NFIA: variants seen among roughly 807,000 people sequenced by gnomAD.
The protein encoded by NFIA is nuclear factor I A, also known as nuclear factor 1 A-type.
In NFIA, 8 loss-of-function variants were observed where a neutral mutation model predicts 62.8. That is an observed-to-expected ratio of 0.13 (90% CI 0.07 to 0.23). NFIA has a LOEUF of 0.23. Ranked by LOEUF, NFIA falls within the 10% of genes least tolerant of loss-of-function variation. NFIA has a pLI of 1.00. For missense variants in NFIA, 410 were observed against 642.1 expected, an observed-to-expected ratio of 0.64 and a Z score of 3.91; for synonymous variants, 235 against 238.1, an observed-to-expected ratio of 0.99 and a Z score of 0.12.
intron 1 of NFIA, among the ~76,000 whole-genome samples, chr1:61,085,900 C>G (rs1646211032): frequency 6.6e-6 from 1 of 152,072 alleles, no homozygotes; most frequent in African/African-American, 2.4e-5. Context: ...GGCAGGTAAA[C>G]AGAATCCTGT....
chr1:61,366,178 C>T (rs940153106), intron 6 of NFIA, among the ~76,000 whole-genome samples: 4 of 152,090 alleles, frequency 2.6e-5, no homozygotes, highest in Admixed American at 6.6e-5. Context: ...CCGAAGTTAA[C>T]GATTTATACC....
intron 9 of NFIA, among the ~76,000 whole-genome samples, chr1:61,412,974 A>C (rs1026843254): frequency 3.3e-5 from 5 of 152,212 alleles, no homozygotes; most frequent in Non-Finnish European, 7.3e-5. Context: ...GAAGATTGGC[A>C]TCATAATCTA....
intron 2 of NFIA, among the ~76,000 whole-genome samples, chr1:61,213,747 C>A (rs1409003123): frequency 3.9e-5 from 6 of 152,134 alleles, no homozygotes; most frequent in Non-Finnish European, 8.8e-5. Context: ...AACAACCTTG[C>A]GATCCGATGG....
chr1:61,293,846 C>A (rs1483246634), intron 3 of NFIA, among the ~76,000 whole-genome samples: 1 of 152,144 alleles, frequency 6.6e-6, no homozygotes, highest in Non-Finnish European at 1.5e-5. Context: ...ATGACATTTC[C>A]AAGCTGTCAA....
chr1:61,082,849 G>A, intron 1 of NFIA, 31 bp downstream of exon 1: 22 of 1,547,042 alleles, frequency 1.4e-5, no homozygotes, highest in Non-Finnish European at 1.9e-5. Flanking sequence ...GGAGGGCTTG[G>A]GGGCCGGGGC....
intron 2 of NFIA, among the ~76,000 whole-genome samples, chr1:61,176,058 A>G (rs1650318597): frequency 1.3e-5 from 2 of 152,340 alleles, no homozygotes; most frequent in Admixed American, 6.5e-5. Context: ...GATAGGAAGC[A>G]TGGCATGTGT....
At chr1:61,205,901 CTTTTTTTTTTTTT>C (rs199804398) in intron 2 of NFIA, among the ~76,000 whole-genome samples, 28,562 of 122,440 alleles carry the variant, frequency 0.23, 3,153 homozygotes, top group South Asian at 0.33. Context: ...TTTTGCAGCC[CTTTTTTTTTTTTT>C]TTTTTTTTTT....
intron 4 of NFIA, among the ~76,000 whole-genome samples, chr1:61,334,555 G>GTA (rs56259392): frequency 1.0e-5 from 1 of 97,486 alleles, no homozygotes; most frequent in African/African-American, 3.8e-5. Flanking sequence ...GTGTGTGTGT[G>GTA]TATATATATA....
chr1:61,435,169 A>T (rs1029499597), intron 10 of NFIA, among the ~76,000 whole-genome samples: 1 of 152,184 alleles, frequency 6.6e-6, no homozygotes, highest in Non-Finnish European at 1.5e-5. Context: ...CTCTGGGGGA[A>T]CAGGAGGAAA....
chr1:61,128,760 T>C (rs536791913), intron 2 of NFIA, among the ~76,000 whole-genome samples: 3 of 152,132 alleles, frequency 2.0e-5, no homozygotes, highest in African/African-American at 7.2e-5. Flanking sequence ...ATTTTACATA[T>C]GTTAAGAAGA....
chr1:61,367,889 G>A (rs1663675964), intron 6 of NFIA, among the ~76,000 whole-genome samples: 1 of 151,890 alleles, frequency 6.6e-6, no homozygotes, highest in Non-Finnish European at 1.5e-5. Context: ...CTAGTACCTG[G>A]CGACTTAGTA....
At chr1:61,131,309 T>C (rs1414115587) in intron 2 of NFIA, among the ~76,000 whole-genome samples, 2 of 152,154 alleles carry the variant, frequency 1.3e-5, no homozygotes, top group Non-Finnish European at 2.9e-5. Context: ...AAAGATCAAT[T>C]AATGTTATAA....
chr1:61,374,330 G>A (rs965502199), intron 6 of NFIA, among the ~76,000 whole-genome samples: 3 of 152,068 alleles, frequency 2.0e-5, no homozygotes, highest in Non-Finnish European at 4.4e-5. Flanking sequence ...AACACATGGG[G>A]GGATGGGATG....
intron 3 of NFIA, among the ~76,000 whole-genome samples, chr1:61,315,555 G>A (rs1349543847): frequency 6.6e-6 from 1 of 152,178 alleles, no homozygotes; most frequent in Admixed American, 6.5e-5. Context: ...CTGGGTAGCA[G>A]CCATTGGCTC....
At chr1:61,113,782 C>T (rs911625553) in intron 2 of NFIA, among the ~76,000 whole-genome samples, 2 of 151,872 alleles carry the variant, frequency 1.3e-5, no homozygotes, top group Admixed American at 1.3e-4. Flanking sequence ...AGGTGAAAGG[C>T]GTGAGCACAG....
chr1:61,328,102 G>A (rs1268825525), intron 3 of NFIA, among the ~76,000 whole-genome samples: 4 of 103,190 alleles, frequency 3.9e-5, no homozygotes, highest in African/African-American at 1.2e-4. Flanking sequence ...CTTTTTGCTG[G>A]GATTTTTTTT....
At chr1:61,339,691 A>G (rs913661453) in intron 4 of NFIA, among the ~76,000 whole-genome samples, 1 of 152,162 alleles carries the variant, frequency 6.6e-6, no homozygotes, top group Non-Finnish European at 1.5e-5. Context: ...TTTGGGTAGT[A>G]AAGCTGGCAG....
intron 3 of NFIA, among the ~76,000 whole-genome samples, chr1:61,308,355 A>G (rs767976774): frequency 3.3e-5 from 5 of 152,220 alleles, no homozygotes; most frequent in African/African-American, 4.8e-5. Context: ...AAAATCCATA[A>G]GATATCATCA....
intron 2 of NFIA, among the ~76,000 whole-genome samples, chr1:61,145,281 G>T (rs1647842929): frequency 6.6e-6 from 1 of 152,108 alleles, no homozygotes; most frequent in Non-Finnish European, 1.5e-5. Context: ...TATTCTTTCT[G>T]AAATTTTTGT....
Sources: allele counts gnomAD v4.1 joint callset (sites outside exome capture counted in the v4.1 genomes callset), GRCh38; gene constraint gnomAD v4.1.1; transcripts MANE v1.5; gene names NCBI Gene and HGNC (gene_info 2026-07-23, HGNC 2026-07-21).